Variants in SLC12A3 observed in about 807,000 individuals in gnomAD.
The protein encoded by SLC12A3 is Na-Cl cotransporter.
In SLC12A3, 104 loss-of-function variants were observed where a neutral mutation model predicts 121.0. That is an observed-to-expected ratio of 0.86 (90% CI 0.73 to 1.01). SLC12A3 has a LOEUF of 1.01. Among genes scored for constraint, SLC12A3 ranks in the 50% least tolerant of loss-of-function variants. The probability of loss-of-function intolerance (pLI) is 0.00; values close to 1 mark genes in which losing one functional copy is unlikely to be tolerated. For missense variants in SLC12A3, 1,328 were observed against 1,356.3 expected, an observed-to-expected ratio of 0.98 and a Z score of 0.33; for synonymous variants, 536 against 533.4, an observed-to-expected ratio of 1.00 and a Z score of -0.07.
In SLC12A3 at chr16:56,880,142, G is replaced by A. The variant is rs753523115; in HGVS notation, c.1456G>A (p.Asp486Asn). 3.1e-6 allele frequency: 5 copies of A among 1,606,704 alleles called. No homozygotes were observed. The highest frequency in any genetic ancestry group is 4.5e-5 in the East Asian group (2 of 44,640). Residue 486 changes from aspartate (D) to asparagine (N), a missense_variant, in exon 12 of 26, where the codon GAC becomes AAC. Physicochemically the swap from Asp to Asn is conservative, Grantham distance 23 (BLOSUM62 1). Coordinates refer to ENST00000563236, the MANE Select transcript of SLC12A3 (RefSeq NM_001126108.2). ...AAKVFQCLCE[D>N]QLYPLIGFFG... ...TCTGGTGCTGCAGTGCCTTTGCGAG[G>A]ACCAGCTGTACCCACTGATCGGCTT...
chr16:56,876,986 C>T (rs898642030), intron 8 of SLC12A3, among the ~76,000 whole-genome samples: 10 of 152,216 alleles, frequency 6.6e-5, no homozygotes, highest in Admixed American at 1.3e-4. Flanking sequence ...CCTCAGTTTC[C>T]CCACCAGCTG....
chr16:56,902,549 G>C, intron 24 of SLC12A3, 41 bp downstream of exon 24: 1 of 1,606,876 alleles, frequency 6.2e-7, no homozygotes, highest in Non-Finnish European at 8.5e-7. Flanking sequence ...ACACATCACT[G>C]GGTCAGGGAC....
At position 56,872,431 on chromosome 16, in the gene SLC12A3, C is replaced by T; in HGVS notation, c.933C>T (p.Asp311=). Residue 311 remains aspartate (D), a synonymous_variant, in exon 7 of 26, where the codon GAC becomes GAT. Transcript: ENST00000563236. ...LVGTLIPPSE[D]KASKGFFSYR... ...GGACGCTGATCCCCCCATCTGAGGA[C>T]AAGGCCTCCAAAGGCTTCTTCAGCT... The T allele has an allele frequency of 1.2e-6, 2 of 1,614,104 alleles. No individual in the cohort carries two copies. Among genetic ancestry groups the T allele is most frequent in the Non-Finnish European group, 1.7e-6 (2 of 1,179,996 alleles).
chr16:56,878,068 CT>C lies in SLC12A3; in HGVS notation c.1096-8del. 1 of 1,373,230 alleles carries C rather than the reference CT, an allele frequency of 7.3e-7. No individual in the cohort carries two copies. The highest frequency in any genetic ancestry group is 1.0e-6 in the Non-Finnish European group (1 of 988,036). 85.1% of individuals were successfully genotyped at this position (1,373,230 alleles called of 1,614,324 possible). On this transcript the variant is annotated splice_region_variant and splice_polypyrimidine_tract_variant and intron_variant, in intron 8 of 25. Transcript: ENST00000563236. ...CCTCCCTCCCTCCCTCTCTCCCTCCCTCCTTCAGGACCCTGCTATAGCCATC... is the reference window on the plus strand; with the variant it reads ...CCTCCCTCCCTCCCTCTCTCCCTCCCCCTTCAGGACCCTGCTATAGCCATC...
chr16:56,889,677 G>T (rs1252181816), intron 18 of SLC12A3, among the ~76,000 whole-genome samples: 1 of 152,158 alleles, frequency 6.6e-6, no homozygotes, highest in African/African-American at 2.4e-5. Context: ...GTTTTGCCAT[G>T]TTGGCCAGGC....
chr16:56,888,130 C>T, intron 18 of SLC12A3, 99 bp downstream of exon 18: 1 of 835,864 alleles, frequency 1.2e-6, no homozygotes, highest in Non-Finnish European at 2.0e-6. Flanking sequence ...AAAGTTGAGT[C>T]CTGCTGGGCA....
chr16:56,902,522 TG>T lies in SLC12A3; in HGVS notation c.2856+19del. On this transcript the variant is annotated intron_variant, in intron 24 of 25. Transcript: ENST00000563236. ...AACAGAGTCAAGGTGCAGAGAGGGGTGGGGGTGGGAAACGCGACACATCACT... is the reference window on the plus strand; with the variant it reads ...AACAGAGTCAAGGTGCAGAGAGGGGTGGGGTGGGAAACGCGACACATCACT... 4.3e-5 allele frequency: 18 copies of T among 415,246 alleles called. No homozygotes were observed. The highest frequency in any genetic ancestry group is 8.1e-5 in the African/African-American group (2 of 24,588). 25.7% of individuals were successfully genotyped at this position (415,246 alleles called of 1,614,324 possible). A position where few individuals can be genotyped will look rare whatever the true frequency, so the allele number is the denominator to read the frequency against.
chr16:56,899,507 TA>T (rs1567445130), intron 22 of SLC12A3, 22 bp from the exon 23 acceptor site: 1 of 1,586,470 alleles, frequency 6.3e-7, no homozygotes, highest in Non-Finnish European at 8.7e-7. Flanking sequence ...GTAATAACAA[TA>T]AACCCTCCAT....
intron 6 of SLC12A3, among the ~76,000 whole-genome samples, chr16:56,871,714 T>C (rs1170583556): frequency 6.7e-6 from 1 of 148,856 alleles, no homozygotes; most frequent in East Asian, 1.9e-4. Flanking sequence ...CCCTCTTCTT[T>C]ATTTATTTAT....
Position 56,913,511 on chromosome 16 carries a change from A to G in SLC12A3, c.*106A>G, listed in dbSNP as rs2055714949. Reference sequence around the variant, plus strand: ...GAGACTCATGTTCTGTTGCACTTTAAGTGGCAGCATCTGATGATCTCACCG... The same window carrying G: ...GAGACTCATGTTCTGTTGCACTTTAGGTGGCAGCATCTGATGATCTCACCG... On this transcript the variant is annotated 3_prime_UTR_variant, in exon 26 of 26. Coordinates refer to ENST00000563236, the MANE Select transcript of SLC12A3 (RefSeq NM_001126108.2). 8.5e-6 allele frequency: 10 copies of G among 1,171,216 alleles called. No individual in the cohort carries two copies. In the East Asian group the frequency reaches 2.3e-4, roughly 27 times the overall value. The allele number at this position is 1,171,216 out of a possible 1,614,324, so 72.6% of individuals were successfully genotyped here.
At chr16:56,912,791 G>A (rs2055703163) in intron 25 of SLC12A3, among the ~76,000 whole-genome samples, 1 of 152,182 alleles carries the variant, frequency 6.6e-6, no homozygotes, top group African/African-American at 2.4e-5. Context: ...TGAGGAAGAG[G>A]CGTGGGCGGC....
At chr16:56,875,486 G>A (rs147362276) in intron 8 of SLC12A3, among the ~76,000 whole-genome samples, 356 of 152,248 alleles carry the variant, frequency 2.3e-3, no homozygotes, top group African/African-American at 7.3e-3. Flanking sequence ...AGGTTCGGGG[G>A]CCTGCCCAGG....
rs201190064 is a variant in SLC12A3, at chr16:56,868,349, G to T, written c.482G>T (p.Trp161Leu). ...GTGATCCTCTACCTGCGGCTGCCCT[G>T]GATTACGGCCCAGGCAGGCATCGGT... Reference protein sequence around the residue: ...WGVILYLRLPWITAQAGIVLT... With the variant: ...WGVILYLRLPLITAQAGIVLT... Residue 161 changes from tryptophan to leucine, a missense_variant, in exon 3 of 26, where the codon TGG becomes TTG. Coordinates refer to ENST00000563236, the MANE Select transcript of SLC12A3 (RefSeq NM_001126108.2). The T allele has an allele frequency of 6.2e-7, 1 of 1,613,676 alleles. No homozygotes were observed. The highest frequency in any genetic ancestry group is 8.5e-7 in the Non-Finnish European group (1 of 1,179,876).
In SLC12A3 at chr16:56,872,379, T is replaced by C; in HGVS notation, c.881T>C (p.Met294Thr). Reference sequence around the variant, plus strand: ...CAGGTGCTGTTCTTCCTTGTCATCATGGTCTCCTTTGCCAACTATTTAGTG... The same window carrying C: ...CAGGTGCTGTTCTTCCTTGTCATCACGGTCTCCTTTGCCAACTATTTAGTG... ...KAQVLFFLVI[M>T]VSFANYLVGT... Residue 294 changes from methionine (M) to threonine (T), a missense_variant, in exon 7 of 26, where the codon ATG becomes ACG. Coordinates refer to ENST00000563236, the MANE Select transcript of SLC12A3 (RefSeq NM_001126108.2). 6.2e-7 allele frequency: 1 copy of C among 1,614,158 alleles called. No homozygotes were observed. Among genetic ancestry groups the C allele is most frequent in the Non-Finnish European group, 8.5e-7 (1 of 1,180,044 alleles).
At chr16:56,884,283 G>A in intron 14 of SLC12A3, 79 bp downstream of exon 14, 1 of 1,466,922 alleles carries the variant, frequency 6.8e-7, no homozygotes. Context: ...CGCCCCAGTT[G>A]GAGGGCCCTG....
At chr16:56,872,623 G>A (rs1567428864) in intron 7 of SLC12A3, 33 bp from the exon 8 acceptor site, 1 of 1,614,164 alleles carries the variant, frequency 6.2e-7, no homozygotes, top group African/African-American at 1.3e-5. Context: ...AGCCCTCCAG[G>A]TGAGCCTTAC....
intron 23 of SLC12A3, 143 bp downstream of exon 23, chr16:56,899,759 C>G: frequency 1.4e-6 from 1 of 711,414 alleles, no homozygotes; most frequent in South Asian, 1.5e-5. Flanking sequence ...GAGGGCACAA[C>G]TTCTGCAGTG....
At chr16:56,905,957 A>C (rs369213149) in intron 25 of SLC12A3, among the ~76,000 whole-genome samples, 13 of 152,182 alleles carry the variant, frequency 8.5e-5, no homozygotes, top group African/African-American at 3.1e-4. Flanking sequence ...GTGCCTCATC[A>C]AGCTTGCTTT....
At position 56,868,240 on chromosome 16, in the gene SLC12A3, TGTC is replaced by T. The variant is rs1490544292; in HGVS notation, c.430-54_430-52del. On this transcript the variant is annotated intron_variant, in intron 2 of 25. Coordinates refer to ENST00000563236, the MANE Select transcript of SLC12A3 (RefSeq NM_001126108.2). ...CCTGCCATAGCAAGGGACAGGGACT[TGTC>T]GTTTGGCCTTGGGGTGTCCACCCAG... The T allele has an allele frequency of 7.1e-6, 11 of 1,541,594 alleles. No individual in the cohort carries two copies. The South Asian group carries it at 8.0e-5, about 11-fold the overall frequency.
Sources: gnomAD v4.1 joint callset for allele counts (sites outside exome capture counted in the v4.1 genomes callset) on GRCh38, gnomAD v4.1.1 for gene constraint, MANE v1.5 for transcripts, NCBI Gene and HGNC (gene_info 2026-07-23, HGNC 2026-07-21) for gene names.